Variants in GLIS1 observed in about 807,000 individuals in gnomAD.
The protein encoded by GLIS1 is GLIS family zinc finger 1.
GLIS1 carries 24 observed loss-of-function variants against 63.8 expected under a neutral mutation model. The ratio of observed to expected loss-of-function variants is 0.38; its 90% CI spans 0.27 to 0.53. The LOEUF is 0.53. Among genes scored for constraint, GLIS1 ranks in the 20% least tolerant of loss-of-function variants. The pLI is 0.85. For missense variants in GLIS1, 1,036 were observed against 1,074.1 expected (o/e 0.96, Z 0.50); for synonymous variants, 450 against 482.5 (o/e 0.93, Z 0.88).
chr1:53,524,897 G>C lies in GLIS1; in HGVS notation c.1483-10C>G. On this transcript the variant is annotated splice_polypyrimidine_tract_variant and intron_variant, in intron 5 of 10. Transcript: ENST00000628545. ...GACAGGCGTACGGCTTCTGTAACATGGGGGGCACGGGTGGGGTGAGTGAGG... is the reference window on the plus strand; with the variant it reads ...GACAGGCGTACGGCTTCTGTAACATCGGGGGCACGGGTGGGGTGAGTGAGG... The C allele has an allele frequency of 6.3e-7, 1 of 1,593,364 alleles. No individual in the cohort carries two copies. The highest frequency in any genetic ancestry group is 8.6e-7 in the Non-Finnish European group (1 of 1,164,426).
At chr1:53,566,626 G>A (rs905031552) in intron 4 of GLIS1, among the ~76,000 whole-genome samples, 4 of 152,168 alleles carry the variant, frequency 2.6e-5, no homozygotes, top group African/African-American at 9.7e-5. Context: ...CGGGGGAAGG[G>A]CCTGGTGGGA....
At chr1:53,714,325 G>T (rs1417016078) in intron 2 of GLIS1, among the ~76,000 whole-genome samples, 2 of 152,212 alleles carry the variant, frequency 1.3e-5, no homozygotes, top group Non-Finnish European at 2.9e-5. Context: ...TAGCAGAGGG[G>T]TGCTCCATAA....
chr1:53,528,200 C>A (rs1055169420), intron 5 of GLIS1, among the ~76,000 whole-genome samples: 2 of 152,196 alleles, frequency 1.3e-5, no homozygotes, highest in African/African-American at 4.8e-5. Context: ...ACCCACTCCT[C>A]ACTTCATGTC....
chr1:53,509,079 G>A (rs770722870), intron 10 of GLIS1, 41 bp downstream of exon 10: 26 of 1,512,078 alleles, frequency 1.7e-5, no homozygotes, highest in East Asian at 7.3e-5. Context: ...GTTGAGCCTC[G>A]GCAGGTGCCC....
intron 6 of GLIS1, among the ~76,000 whole-genome samples, chr1:53,523,906 T>C (rs943859332): frequency 6.6e-6 from 1 of 152,190 alleles, no homozygotes; most frequent in Admixed American, 6.5e-5. Context: ...ACTGCGCTGC[T>C]TGGCCGCTGA....
rs529127575 is a variant in GLIS1, at chr1:53,687,108, C to T, written c.259+50698G>A. ...GAGGGGCAGAGCATGGACTGGAACCCGGAATCTCCTGAAGTTAAGGAAAGG... is the reference window on the plus strand; with the variant it reads ...GAGGGGCAGAGCATGGACTGGAACCTGGAATCTCCTGAAGTTAAGGAAAGG... On this transcript the variant is annotated intron_variant, in intron 2 of 10. Transcript: ENST00000628545. Among the ~76,000 whole-genome samples the T allele has an allele frequency of 3.9e-5, 6 of 152,282 alleles. No individual in the cohort carries two copies. In the East Asian group the frequency reaches 7.7e-4, roughly 20 times the overall value.
At chr1:53,524,327 G>A (rs1644441769) in intron 6 of GLIS1, among the ~76,000 whole-genome samples, 2 of 152,228 alleles carry the variant, frequency 1.3e-5, no homozygotes, top group Non-Finnish European at 2.9e-5. Context: ...CCCCTCATCT[G>A]TGCCCTGACT....
chr1:53,518,211 G>A (rs1644372219), intron 7 of GLIS1, among the ~76,000 whole-genome samples: 1 of 152,168 alleles, frequency 6.6e-6, no homozygotes, highest in Non-Finnish European at 1.5e-5. Context: ...GGCCAGCACC[G>A]GGCCTGGCAG....
chr1:53,601,785 CCCCGAGGAT>C (rs1483207770), intron 2 of GLIS1, among the ~76,000 whole-genome samples: 5 of 152,180 alleles, frequency 3.3e-5, no homozygotes, highest in Admixed American at 2.6e-4. Context: ...GAGAGTCCAC[CCCCGAGGAT>C]CCCTGTCCCT....
At chr1:53,706,441 C>A (rs1197586082) in intron 2 of GLIS1, among the ~76,000 whole-genome samples, 1 of 152,192 alleles carries the variant, frequency 6.6e-6, no homozygotes, top group Admixed American at 6.5e-5. Flanking sequence ...TTCTGTCCTT[C>A]TTCAGACCTC....
chr1:53,571,832 C>A lies in GLIS1; in HGVS notation c.1320+22276G>T, dbSNP rs181332220. ...TGACCTCGTGATCCGCCCGCCTCAG[C>A]CTCCTAAAGTGCTGGGATTACAGGC... is the stretch of plus-strand genomic sequence containing the variant. On this transcript the variant is annotated intron_variant, in intron 4 of 10. Coordinates refer to ENST00000628545, the MANE Select transcript of GLIS1 (RefSeq NM_001367484.1). Among the ~76,000 whole-genome samples the A allele has an allele frequency of 2.9e-3, 435 of 152,324 alleles. 6 individuals carry two copies. The highest frequency in any genetic ancestry group is 0.01 in the African/African-American group (423 of 41,558).
intron 2 of GLIS1, among the ~76,000 whole-genome samples, chr1:53,671,047 T>C (rs1646145798): frequency 6.6e-6 from 1 of 152,214 alleles, no homozygotes; most frequent in South Asian, 2.1e-4. Context: ...CATGCCATGA[T>C]TCAAACTATT....
intron 2 of GLIS1, among the ~76,000 whole-genome samples, chr1:53,724,901 G>GA (rs1176427857): frequency 5.9e-5 from 9 of 151,970 alleles, no homozygotes; most frequent in East Asian, 1.9e-4. Flanking sequence ...GTAGGATAAT[G>GA]AAAAAAAATG....
chr1:53,678,333 G>C (rs552787126), intron 2 of GLIS1, among the ~76,000 whole-genome samples: 2 of 136,682 alleles, frequency 1.5e-5, no homozygotes, highest in Admixed American at 7.2e-5. Context: ...GGGTGAGGGG[G>C]GGGGGGTGGG....
chr1:53,669,164 C>G (rs927226365), intron 2 of GLIS1, among the ~76,000 whole-genome samples: 3 of 152,230 alleles, frequency 2.0e-5, no homozygotes, highest in African/African-American at 7.2e-5. Flanking sequence ...TGGTCCCCAA[C>G]AGTCCCTGAA....
intron 2 of GLIS1, among the ~76,000 whole-genome samples, chr1:53,649,840 G>A (rs773452177): frequency 3.9e-5 from 6 of 152,200 alleles, no homozygotes; most frequent in Admixed American, 2.0e-4. Context: ...TAAAATATGT[G>A]TTAATCGACT....
At chr1:53,666,375 C>T (rs1646091443) in intron 2 of GLIS1, among the ~76,000 whole-genome samples, 2 of 152,164 alleles carry the variant, frequency 1.3e-5, no homozygotes. Flanking sequence ...GACTCTGATG[C>T]CTGTGCCTGT....
chr1:53,719,793 T>C (rs1360855353), intron 2 of GLIS1, among the ~76,000 whole-genome samples: 1 of 152,142 alleles, frequency 6.6e-6, no homozygotes, highest in Non-Finnish European at 1.5e-5. Flanking sequence ...GTATAAAGGT[T>C]CCTCAAAAAA....
intron 4 of GLIS1, among the ~76,000 whole-genome samples, chr1:53,586,639 A>G (rs1645138441): frequency 6.6e-6 from 1 of 152,230 alleles, no homozygotes; most frequent in South Asian, 2.1e-4. Context: ...AGGCTTATAG[A>G]AGTCAAGCTA....
Sources: allele counts gnomAD v4.1 joint callset (sites outside exome capture counted in the v4.1 genomes callset), GRCh38; gene constraint gnomAD v4.1.1; transcripts MANE v1.5; gene names NCBI Gene and HGNC (gene_info 2026-07-23, HGNC 2026-07-21).